Variants in CREB5 observed in about 807,000 individuals in gnomAD.
The protein encoded by CREB5 is cyclic AMP-responsive element-binding protein 5.
CREB5 carries 19 observed loss-of-function variants against 57.1 expected under a neutral mutation model. That is an observed-to-expected ratio of 0.33 (90% CI 0.23 to 0.49). CREB5 has a LOEUF of 0.49. CREB5 is among the 20% of genes least tolerant of loss of function. The pLI is 0.99. For missense variants in CREB5, 579 were observed against 671.6 expected (o/e 0.86, Z 1.52); for synonymous variants, 238 against 238.3 (o/e 1.00, Z 0.01).
chr7:28,473,769 A>G (rs1342065989), intron 1 of CREB5, among the ~76,000 whole-genome samples: 1 of 152,182 alleles, frequency 6.6e-6, no homozygotes, highest in African/African-American at 2.4e-5. Flanking sequence ...CTGCTGTCCC[A>G]TGTCTGGAAG....
chr7:28,394,660 C>A lies in CREB5; in HGVS notation c.-25+95219C>A, dbSNP rs146237255. Among the ~76,000 whole-genome samples, 44 of 152,220 alleles carry A rather than the reference C, an allele frequency of 2.9e-4. No individual in the cohort carries two copies. In the South Asian group the frequency reaches 4.2e-3, roughly 14 times the overall value. On this transcript the variant is annotated intron_variant, in intron 1 of 9. Coordinates refer to the CREB5 transcript ENST00000396299. ...TTTATGTTAAAAGAGGGTCCCCCAC[C>A]TTTTCACATTCAGCACAGCCAAATT...
chr7:28,323,761 A>C lies in CREB5; in HGVS notation c.-25+24320A>C, dbSNP rs141660859. Reference sequence around the variant, plus strand: ...TTCAAGTGCAGTACCTTTATTGTGCACTTTATTTCTATTATTATTACACTG... The same window carrying C: ...TTCAAGTGCAGTACCTTTATTGTGCCCTTTATTTCTATTATTATTACACTG... On this transcript the variant is annotated intron_variant, in intron 1 of 9. Coordinates refer to the CREB5 transcript ENST00000396299. Among the ~76,000 whole-genome samples the C allele has an allele frequency of 4.1e-3, 623 of 152,264 alleles. 1 individual carries two copies. Among genetic ancestry groups the C allele is most frequent in the Non-Finnish European group, 5.9e-3 (399 of 68,014 alleles).
intron 1 of CREB5, among the ~76,000 whole-genome samples, chr7:28,312,525 G>T (rs13229530): frequency 0.014 from 2,110 of 152,298 alleles, 33 homozygotes; most frequent in Admixed American, 0.022. Context: ...AGGGAAGCGG[G>T]TGGAGGCGAA....
intron 4 of CREB5, among the ~76,000 whole-genome samples, chr7:28,540,398 A>C (rs1311857908): frequency 6.6e-6 from 1 of 152,140 alleles, no homozygotes; most frequent in African/African-American, 2.4e-5. Context: ...TAGATTGAGG[A>C]GGGCAGGGTG....
intron 5 of CREB5, among the ~76,000 whole-genome samples, chr7:28,607,224 G>T (rs113798325): frequency 6.6e-6 from 1 of 152,158 alleles, no homozygotes; most frequent in African/African-American, 2.4e-5. Flanking sequence ...GAGTGTAGCT[G>T]ATTGGCAACC....
chr7:28,638,509 G>A (rs2128698345), intron 5 of CREB5, among the ~76,000 whole-genome samples: 1 of 151,900 alleles, frequency 6.6e-6, no homozygotes, highest in South Asian at 2.1e-4. Flanking sequence ...ACCACACCTG[G>A]CTTATTTTGG....
intron 4 of CREB5, among the ~76,000 whole-genome samples, chr7:28,522,884 C>T (rs1562773172): frequency 1.3e-5 from 2 of 152,178 alleles, no homozygotes; most frequent in African/African-American, 4.8e-5. Context: ...TAACCCACCA[C>T]GACTGCTCTG....
intron 5 of CREB5, among the ~76,000 whole-genome samples, chr7:28,607,840 C>T (rs1014058168): frequency 4.1e-5 from 6 of 147,970 alleles, no homozygotes; most frequent in Non-Finnish European, 7.4e-5. Flanking sequence ...ACAAAGCCAG[C>T]CTTGGGAGTT....
intron 1 of CREB5, among the ~76,000 whole-genome samples, chr7:28,387,979 T>C (rs1273475962): frequency 6.6e-6 from 1 of 152,214 alleles, no homozygotes; most frequent in East Asian, 1.9e-4. Flanking sequence ...CTAATTCAGC[T>C]GTTGTTTTTG....
intron 1 of CREB5, among the ~76,000 whole-genome samples, chr7:28,366,017 A>G (rs1177191180): frequency 6.6e-6 from 1 of 152,222 alleles, no homozygotes; most frequent in African/African-American, 2.4e-5. Flanking sequence ...GCCCAGTGAA[A>G]TCTAAACACC....
chr7:28,416,293 G>T (rs1788020015), intron 1 of CREB5, among the ~76,000 whole-genome samples: 1 of 152,152 alleles, frequency 6.6e-6, no homozygotes, highest in Non-Finnish European at 1.5e-5. Flanking sequence ...CCAGTTTTAT[G>T]CAGTCCTCTC....
intron 1 of CREB5, among the ~76,000 whole-genome samples, chr7:28,484,547 T>C (rs539447450): frequency 2.0e-5 from 3 of 152,320 alleles, no homozygotes; most frequent in African/African-American, 4.8e-5. Flanking sequence ...CCCACTCACT[T>C]CAGACCTTAT....
At chr7:28,656,814 A>T (rs1408131638) in intron 5 of CREB5, among the ~76,000 whole-genome samples, 1 of 151,952 alleles carries the variant, frequency 6.6e-6, no homozygotes, top group African/African-American at 2.4e-5. Flanking sequence ...GTTATTACAA[A>T]CCAATTTTTT....
intron 5 of CREB5, among the ~76,000 whole-genome samples, chr7:28,688,721 C>A (rs1801081599): frequency 6.6e-6 from 1 of 152,058 alleles, no homozygotes; most frequent in African/African-American, 2.4e-5. Flanking sequence ...CAGGGAAGGA[C>A]CTTAACTATG....
chr7:28,539,870 CACAG>C (rs1794135715), intron 4 of CREB5, among the ~76,000 whole-genome samples: 2 of 152,160 alleles, frequency 1.3e-5, no homozygotes, highest in African/African-American at 4.8e-5. Flanking sequence ...TGAAAATAAG[CACAG>C]ACATTTTTGG....
chr7:28,803,462 C>G (rs186855736), intron 7 of CREB5, among the ~76,000 whole-genome samples: 1 of 152,248 alleles, frequency 6.6e-6, no homozygotes, highest in Admixed American at 6.5e-5. Context: ...GTGACTCTTA[C>G]AAGATACAGT....
chr7:28,738,311 C>T (rs1367861386), intron 7 of CREB5, among the ~76,000 whole-genome samples: 1 of 152,102 alleles, frequency 6.6e-6, no homozygotes, highest in Non-Finnish European at 1.5e-5. Flanking sequence ...ATAAGAGTTT[C>T]CCTTATGCTT....
At chr7:28,692,079 A>G (rs1801299537) in intron 5 of CREB5, among the ~76,000 whole-genome samples, 1 of 150,506 alleles carries the variant, frequency 6.6e-6, no homozygotes, top group South Asian at 2.1e-4. Context: ...CCAGCTACTT[A>G]GGAGGCTGAG....
chr7:28,509,300 T>C (rs1792605133), intron 4 of CREB5, among the ~76,000 whole-genome samples: 1 of 152,268 alleles, frequency 6.6e-6, no homozygotes, highest in African/African-American at 2.4e-5. Context: ...GGTGTGGTTT[T>C]AGATATTCTC....
Sources: gnomAD v4.1 joint callset for allele counts (sites outside exome capture counted in the v4.1 genomes callset) on GRCh38, gnomAD v4.1.1 for gene constraint, MANE v1.5 for transcripts, NCBI Gene and HGNC (gene_info 2026-07-23, HGNC 2026-07-21) for gene names.